The following PDZD8 variants were observed in gnomAD, a reference collection of about 807,000 sequenced individuals.
The protein encoded by PDZD8 is PDZ domain-containing protein 8.
In PDZD8, 14 loss-of-function variants were observed where a neutral mutation model predicts 85.8. That is an observed-to-expected ratio of 0.16 (90% CI 0.11 to 0.26). The LOEUF (loss-of-function observed/expected upper bound fraction) is 0.26. Ranked by LOEUF, PDZD8 falls within the 10% of genes least tolerant of loss-of-function variation. The pLI, the probability that PDZD8 is intolerant of heterozygous loss-of-function variation, is 1.00. For synonymous variants in PDZD8, 592 were observed against 568.6 expected, an observed-to-expected ratio of 1.04 and a Z score of -0.59; for missense variants, 1,197 against 1,424.3, an observed-to-expected ratio of 0.84 and a Z score of 2.57.
At chr10:117,302,597 T>C (rs111786595) in intron 3 of PDZD8, among the ~76,000 whole-genome samples, 1,973 of 152,324 alleles carry the variant, frequency 0.013, 16 homozygotes, top group Non-Finnish European at 0.021. Flanking sequence ...TGTATCTCAA[T>C]TATGACAAAA....
chr10:117,363,382 T>C (rs1049404724), intron 1 of PDZD8, among the ~76,000 whole-genome samples: 1 of 152,100 alleles, frequency 6.6e-6, no homozygotes, highest in African/African-American at 2.4e-5. Context: ...GAACAGAACA[T>C]AGTCATTTTT....
rs755136150 is a variant in PDZD8, at chr10:117,284,462, C to T, written c.2271G>A (p.Leu757=). The change falls in exon 5 of 5, where the codon CTG becomes CTA. Residue 757 remains leucine, a synonymous_variant. Coordinates refer to ENST00000334464, the MANE Select transcript of PDZD8 (RefSeq NM_173791.5). Reference sequence around the variant, plus strand: ...CTATAGCCTTAGGTGAGGGGGCTTCCAGTCTCAATTTGGAAAGGTATTCCG... The same window carrying T: ...CTATAGCCTTAGGTGAGGGGGCTTCTAGTCTCAATTTGGAAAGGTATTCCG... ...SNTEYLSKLR[L]EAPSPKAIVT... 10 of 1,614,104 alleles carry T rather than the reference C, an allele frequency of 6.2e-6. No individual in the cohort carries two copies. Among genetic ancestry groups the T allele is most frequent in the Non-Finnish European group, 7.6e-6 (9 of 1,180,010 alleles).
intron 3 of PDZD8, among the ~76,000 whole-genome samples, chr10:117,318,370 A>C (rs1226139624): frequency 1.3e-5 from 2 of 152,114 alleles, no homozygotes; most frequent in Non-Finnish European, 1.5e-5. Flanking sequence ...ACTGTGTTCT[A>C]TCTTTACCCT....
chr10:117,340,066 G>C (rs1193192128), intron 2 of PDZD8, among the ~76,000 whole-genome samples: 1 of 152,196 alleles, frequency 6.6e-6, no homozygotes, highest in Non-Finnish European at 1.5e-5. Context: ...AGCAAGATAT[G>C]AATATAGCTT....
chr10:117,285,626 T>G (rs1387949721), intron 4 of PDZD8, 155 bp from the exon 5 acceptor site: 3 of 1,174,884 alleles, frequency 2.6e-6, no homozygotes, highest in Non-Finnish European at 3.3e-6. Flanking sequence ...ATATTTTATT[T>G]GGCTTTTGGA....
At chr10:117,298,532 T>C (rs1843793228) in intron 3 of PDZD8, among the ~76,000 whole-genome samples, 1 of 152,174 alleles carries the variant, frequency 6.6e-6, no homozygotes, top group Non-Finnish European at 1.5e-5. Context: ...TTAGTTCTTC[T>C]ACATAACTTC....
At chr10:117,311,618 T>C (rs1248375816) in intron 3 of PDZD8, among the ~76,000 whole-genome samples, 1 of 152,148 alleles carries the variant, frequency 6.6e-6, no homozygotes, top group Non-Finnish European at 1.5e-5. Context: ...AGTTTCATGA[T>C]AGTTAGGAAA....
chr10:117,352,114 CT>C (rs1390029617), intron 1 of PDZD8, among the ~76,000 whole-genome samples: 7 of 152,012 alleles, frequency 4.6e-5, no homozygotes, highest in Admixed American at 4.6e-4. Context: ...ATATGTCTTA[CT>C]TTAAGATGTC....
At chr10:117,343,761 T>C (rs1481776854) in intron 1 of PDZD8, among the ~76,000 whole-genome samples, 2 of 152,174 alleles carry the variant, frequency 1.3e-5, no homozygotes, top group Non-Finnish European at 2.9e-5. Flanking sequence ...ACAAAAATAA[T>C]CTAAAATCAG....
chr10:117,340,883 T>C, intron 2 of PDZD8, 97 bp downstream of exon 2: 1 of 1,333,074 alleles, frequency 7.5e-7, no homozygotes, highest in Non-Finnish European at 1.0e-6. Context: ...AGGTAAATAA[T>C]ATAATTTAAA....
At chr10:117,291,230 A>ATTTTATTT (rs76276891) in intron 3 of PDZD8, among the ~76,000 whole-genome samples, 68,872 of 149,276 alleles carry the variant, frequency 0.46, 16,375 homozygotes, top group East Asian at 0.54. Context: ...GTTTACATTT[A>ATTTTATTT]TACTTTATTA....
chr10:117,305,443 CACACACACACACATATATACACACACAT>C (rs1026351990), intron 3 of PDZD8, among the ~76,000 whole-genome samples: 3 of 144,750 alleles, frequency 2.1e-5, no homozygotes, highest in Admixed American at 1.4e-4. Context: ...ACAAAATACA[CACACACACACACATATATACACACACAT>C]ACACACACAC....
chr10:117,356,711 C>T (rs1040354512), intron 1 of PDZD8, among the ~76,000 whole-genome samples: 10 of 152,116 alleles, frequency 6.6e-5, no homozygotes, highest in African/African-American at 2.2e-4. Context: ...GCATCCTAAT[C>T]TGGGGTTGGG....
At chr10:117,364,213 T>A (rs1188156398) in intron 1 of PDZD8, among the ~76,000 whole-genome samples, 3 of 145,020 alleles carry the variant, frequency 2.1e-5, no homozygotes, top group South Asian at 2.2e-4. Flanking sequence ...TGTGTGAGAG[T>A]GTGTGTGTGT....
intron 1 of PDZD8, among the ~76,000 whole-genome samples, chr10:117,354,176 T>C (rs897578438): frequency 2.0e-5 from 3 of 152,342 alleles, no homozygotes; most frequent in African/African-American, 4.8e-5. Flanking sequence ...TAGGTTTTCA[T>C]TGATTGCGGA....
intron 3 of PDZD8, among the ~76,000 whole-genome samples, chr10:117,304,232 A>ATCC (rs2133785725): frequency 6.6e-6 from 1 of 152,276 alleles, no homozygotes; most frequent in Admixed American, 6.5e-5. Context: ...GTCAAAGGAG[A>ATCC]TCATTTTGGA....
At chr10:117,311,252 ATT>A (rs58849274) in intron 3 of PDZD8, among the ~76,000 whole-genome samples, 116,249 of 151,460 alleles carry the variant, frequency 0.77, 45,255 homozygotes, top group Non-Finnish European at 0.85. Flanking sequence ...CAAAATTAAT[ATT>A]GAGTAGTATA....
In PDZD8 at chr10:117,301,739, T is replaced by C. The variant is rs376125607; in HGVS notation, c.1099-11391A>G. ...GCTAAATTTCCTATTTTACCATCCA[T>C]CACCTTTAAAAATCACAACCATAAT... On this transcript the variant is annotated intron_variant, in intron 3 of 4. Coordinates refer to ENST00000334464, the MANE Select transcript of PDZD8 (RefSeq NM_173791.5). Among the ~76,000 whole-genome samples, 8 of 152,320 alleles carry C rather than the reference T, an allele frequency of 5.3e-5. No homozygotes were observed. In the South Asian group the frequency reaches 1.2e-3, roughly 24 times the overall value.
At chr10:117,321,051 G>A (rs1449776767) in intron 2 of PDZD8, among the ~76,000 whole-genome samples, 1 of 152,172 alleles carries the variant, frequency 6.6e-6, no homozygotes, top group Non-Finnish European at 1.5e-5. Flanking sequence ...TGATGGGAAT[G>A]TAAAATGATA....
Sources: allele counts gnomAD v4.1 joint callset (sites outside exome capture counted in the v4.1 genomes callset), GRCh38; gene constraint gnomAD v4.1.1; transcripts MANE v1.5; gene names NCBI Gene and HGNC (gene_info 2026-07-23, HGNC 2026-07-21).